TAF5L: variants seen among roughly 807,000 people sequenced by gnomAD.
TAF5L encodes the protein TATA-box binding protein associated factor 5 like.
Under a neutral mutation model 51.3 loss-of-function variants are expected in TAF5L, and 7 were observed. That is an observed-to-expected ratio of 0.14 (90% CI 0.08 to 0.26). The LOEUF (loss-of-function observed/expected upper bound fraction) is 0.26. Among genes scored for constraint, TAF5L ranks in the 10% least tolerant of loss-of-function variants. The pLI is 1.00. For synonymous variants in TAF5L, 291 were observed against 308.1 expected, an observed-to-expected ratio of 0.94 and a Z score of 0.58; for missense variants, 575 against 758.9, an observed-to-expected ratio of 0.76 and a Z score of 2.85.
chr1:229,624,464 A>G (rs576284424), intron 1 of TAF5L, among the ~76,000 whole-genome samples: 13 of 152,332 alleles, frequency 8.5e-5, no homozygotes, highest in African/African-American at 3.1e-4. Flanking sequence ...AAAGGAAACG[A>G]TAATAGCTAA....
rs867948810 is a variant in TAF5L at position 229,625,642 on chromosome 1, G to A, written c.-4+243C>T. 6.6e-6 allele frequency among the ~76,000 whole-genome samples: 1 copy of A among 151,050 alleles called. No homozygotes were observed. Among genetic ancestry groups the A allele is most frequent in the African/African-American group, 2.4e-5 (1 of 41,276 alleles). On this transcript the variant is annotated intron_variant, in intron 1 of 4. Transcript: ENST00000258281. The surrounding 1 kb of genome is among the most constrained non-coding windows in gnomAD (Gnocchi z 4.0). ...GCCAGTCCAGGTGTAGCCGCCGACT[G>A]CAGGCCACGCCGCCGGCCGCAGCCC...
At chr1:229,621,856 C>T (rs1190332165) in intron 1 of TAF5L, among the ~76,000 whole-genome samples, 1 of 152,112 alleles carries the variant, frequency 6.6e-6, no homozygotes, top group East Asian at 1.9e-4. Flanking sequence ...ATGAATTAAG[C>T]CACTATGAAT....
intron 1 of TAF5L, among the ~76,000 whole-genome samples, chr1:229,624,985 C>T (rs1665380053): frequency 6.6e-6 from 1 of 152,156 alleles, no homozygotes; most frequent in African/African-American, 2.4e-5. Flanking sequence ...GTCACCATTC[C>T]GAGATTCCAA....
At chr1:229,622,018 CATCTATCTATCTATCTATCTATCT>C (rs10578192) in intron 1 of TAF5L, among the ~76,000 whole-genome samples, 2,418 of 149,048 alleles carry the variant, frequency 0.016, 73 homozygotes, top group African/African-American at 0.056. Flanking sequence ...CATTCATCAT[CATCTATCTATCTATCTATCTATCT>C]ATCTATCTAT....
At chr1:229,617,281 TAAAA>T (rs923330001) in intron 1 of TAF5L, among the ~76,000 whole-genome samples, 41 of 152,200 alleles carry the variant, frequency 2.7e-4, no homozygotes, top group African/African-American at 9.9e-4. Flanking sequence ...ATATTTAGAG[TAAAA>T]AAGTTAAATG....
At position 229,625,454 on chromosome 1, in the gene TAF5L, C is replaced by T. The variant is rs1002812007; in HGVS notation, c.-4+431G>A. ...CATGTGCAAAGTTGAATCCCGACTT[C>T]GCCGCAAAGACATTTCCTTTTCCCC... On this transcript the variant is annotated intron_variant, in intron 1 of 4. Coordinates refer to ENST00000258281, the Ensembl canonical transcript of TAF5L. The surrounding 1 kb of genome is among the most constrained non-coding windows in gnomAD (Gnocchi z 4.0). 1.2e-4 allele frequency among the ~76,000 whole-genome samples: 19 copies of T among 152,316 alleles called. No homozygotes were observed. The highest frequency in any genetic ancestry group is 4.3e-4 in the African/African-American group (18 of 41,592).
chr1:229,617,230 T>C lies in TAF5L; in HGVS notation c.-3-2745A>G, dbSNP rs149735369. ...TAAGAATCCCATGAGTGTGTGGATA[T>C]GTATATAAATAATTTCAGCCCTGCA... On this transcript the variant is annotated intron_variant, in intron 1 of 4. Coordinates refer to ENST00000258281, the Ensembl canonical transcript of TAF5L. 2.3e-3 allele frequency among the ~76,000 whole-genome samples: 345 copies of C among 152,328 alleles called. 4 individuals are homozygous for C. The highest frequency in any genetic ancestry group is 8.1e-3 in the African/African-American group (337 of 41,572).
chr1:229,601,746 C>A, intron 4 of TAF5L: 4 of 1,012,108 alleles, frequency 4.0e-6, no homozygotes, highest in Non-Finnish European at 4.7e-6. Flanking sequence ...ACTACTGTTG[C>A]TGAGACTGTG....
chr1:229,597,732 T>C (rs949196930), intron 4 of TAF5L, among the ~76,000 whole-genome samples: 4 of 152,242 alleles, frequency 2.6e-5, no homozygotes, highest in Admixed American at 2.0e-4. Flanking sequence ...ATAAATCTTA[T>C]TATATACATT....
At chr1:229,619,160 G>C (rs1415293604) in intron 1 of TAF5L, among the ~76,000 whole-genome samples, 2 of 152,184 alleles carry the variant, frequency 1.3e-5, no homozygotes, top group Admixed American at 1.3e-4. Context: ...AACATCAAAA[G>C]ATCAGTCTAA....
rs1664605547 is a variant in TAF5L, at chr1:229,606,641, C to T, written c.247+3465G>A. On this transcript the variant is annotated intron_variant, in intron 3 of 4. Coordinates refer to ENST00000258281, the Ensembl canonical transcript of TAF5L. ...CCTGTCGTCACTCCCTTTTTGGTTC[C>T]TCTTCCTCCTGTCAATCCTCAAATG... 13 of 985,252 alleles carry T rather than the reference C, an allele frequency of 1.3e-5. No homozygotes were observed. The South Asian group carries it at 6.1e-4, about 46-fold the overall frequency. 61.0% of individuals were successfully genotyped at this position (985,252 alleles called of 1,614,324 possible).
intron 1 of TAF5L, among the ~76,000 whole-genome samples, chr1:229,622,617 CTTTT>C (rs1429102379): frequency 6.6e-6 from 1 of 152,034 alleles, no homozygotes; most frequent in East Asian, 1.9e-4. Context: ...AAAAGTCTTT[CTTTT>C]TAATTTTGAA....
intron 1 of TAF5L, among the ~76,000 whole-genome samples, chr1:229,621,820 G>A (rs1215186533): frequency 2.6e-5 from 4 of 152,152 alleles, no homozygotes; most frequent in African/African-American, 9.7e-5. Context: ...AACTGTTCAT[G>A]AATATCTTAA....
At chr1:229,618,254 T>C (rs1347843033) in intron 1 of TAF5L, among the ~76,000 whole-genome samples, 4 of 152,208 alleles carry the variant, frequency 2.6e-5, no homozygotes, top group African/African-American at 9.7e-5. Flanking sequence ...CAAACTGAAA[T>C]TGGATTTAAA....
chr1:229,608,632 T>C (rs1664679517), intron 3 of TAF5L, among the ~76,000 whole-genome samples: 1 of 152,180 alleles, frequency 6.6e-6, no homozygotes, highest in Non-Finnish European at 1.5e-5. Context: ...TTTTACTCAG[T>C]TAAAAAAATA....
rs547601294 is a variant in TAF5L, at chr1:229,621,716, G to C, written c.-4+4169C>G. Among the ~76,000 whole-genome samples, 180 of 152,224 alleles carry C rather than the reference G, an allele frequency of 1.2e-3. 2 individuals carry two copies. The highest frequency in any genetic ancestry group is 3.6e-3 in the African/African-American group (151 of 41,546). On this transcript the variant is annotated intron_variant, in intron 1 of 4. Coordinates refer to ENST00000258281, the Ensembl canonical transcript of TAF5L. ...AAAAAGAGAAACTCTGAGGGTTACA[G>C]ATGAAAATCAAATGTCTAACTATAA...
intron 1 of TAF5L, among the ~76,000 whole-genome samples, chr1:229,618,477 A>G (rs1309314489): frequency 6.6e-6 from 1 of 152,162 alleles, no homozygotes; most frequent in Non-Finnish European, 1.5e-5. Context: ...ATTTCTGGAA[A>G]TCAAAAATTT....
chr1:229,593,280 A>G (rs947622230), exon 5 of TAF5L: 13 of 152,236 alleles, frequency 8.5e-5, no homozygotes, highest in African/African-American at 3.1e-4. Context: ...CAAAGTGTTC[A>G]TTAGACTGGT....
At chr1:229,596,138 G>C (rs1034482687) in intron 4 of TAF5L, among the ~76,000 whole-genome samples, 1 of 152,296 alleles carries the variant, frequency 6.6e-6, no homozygotes, top group East Asian at 1.9e-4. Flanking sequence ...GCTGGGCATG[G>C]TGGCGCATGC....
Sources: gnomAD v4.1 joint callset for allele counts (sites outside exome capture counted in the v4.1 genomes callset) on GRCh38, gnomAD v4.1.1 for gene constraint, Gnocchi (gnomAD v3.1) non-coding constraint, MANE v1.5 for transcripts, NCBI Gene and HGNC (gene_info 2026-07-23, HGNC 2026-07-21) for gene names.